SYTL5: variants seen among roughly 807,000 people sequenced by gnomAD.
SYTL5 encodes the protein synaptotagmin like 5, also known as synaptotagmin-like protein 5.
A neutral mutation model predicts 55.9 loss-of-function variants in SYTL5; 34 were observed. The observed-to-expected ratio is 0.61, with a 90% CI of 0.46 to 0.81. The LOEUF (loss-of-function observed/expected upper bound fraction) is 0.81. Among genes scored for constraint, SYTL5 ranks in the 30% least tolerant of loss-of-function variants. SYTL5 has a pLI of 0.00. For synonymous variants in SYTL5, 221 were observed against 188.7 expected (o/e 1.17, Z -1.40); for missense variants, 637 against 546.7 (o/e 1.17, Z -1.65).
rs747494621 is a variant in SYTL5 at position 38,054,330 on chromosome X, C to T, written c.237C>T (p.Asp79=). The T allele has an allele frequency of 1.3e-5, 16 of 1,211,178 alleles. No homozygotes were observed. The highest frequency in any genetic ancestry group is 1.8e-5 in the South Asian group (1 of 56,944). Residue 79 remains aspartate (D), a synonymous_variant, in exon 3 of 17, where the codon GAC becomes GAT. Coordinates refer to ENST00000297875, the MANE Select transcript of SYTL5 (RefSeq NM_138780.3). ...RNLGLIFDRG[D]PCQACSLRVC... is the part of the protein sequence containing the mutation. The stretch of plus-strand genomic sequence containing the variant: ...TGGGCCTAATCTTTGACCGGGGAGA[C>T]CCTTGTCAGGCTTGCTCACTGAGGG...
the SYTL5 span, among the ~76,000 whole-genome samples, chrX:37,968,471 G>C: frequency 9.0e-6 from 1 of 111,455 alleles, no homozygotes; most frequent in African/African-American, 3.3e-5. Flanking sequence ...TAGCAGATTT[G>C]ATAAGGCTTC....
the SYTL5 span, among the ~76,000 whole-genome samples, chrX:37,965,460 G>T: frequency 4.5e-5 from 5 of 111,169 alleles, no homozygotes; most frequent in Admixed American, 9.5e-5. Context: ...ATTCCATTAT[G>T]GTTAGAAAAG....
At chrX:37,906,694 T>C in the SYTL5 span, 14 of 112,751 alleles carry the variant, frequency 1.2e-4, no homozygotes, top group Non-Finnish European at 2.4e-4. Flanking sequence ...AATGCCAGAA[T>C]GTTGAAACAA....
At chrX:37,973,637 CT>C in the SYTL5 span, among the ~76,000 whole-genome samples, 16,387 of 104,119 alleles carry the variant, frequency 0.16, 2,625 homozygotes, top group African/African-American at 0.46. Flanking sequence ...ATATAAAACA[CT>C]TTTTTTTTTT....
rs780745620 is a variant in SYTL5, at chrX:38,045,133, A to T, written c.120-9080A>T. ...AGTAGGGAAAGCAACACAGGAAAGGAGAAGAATCTAAGCAAGGGTGAGAAG... is the reference window on the plus strand; with the variant it reads ...AGTAGGGAAAGCAACACAGGAAAGGTGAAGAATCTAAGCAAGGGTGAGAAG... On this transcript the variant is annotated intron_variant, in intron 2 of 16. Coordinates refer to ENST00000297875, the MANE Select transcript of SYTL5 (RefSeq NM_138780.3). 6.3e-5 allele frequency among the ~76,000 whole-genome samples: 7 copies of T among 111,943 alleles called. No individual in the cohort carries two copies. The East Asian group carries it at 2.0e-3, about 31-fold the overall frequency.
chrX:38,101,318 C>G (rs933905040), intron 9 of SYTL5, among the ~76,000 whole-genome samples: 15 of 110,905 alleles, frequency 1.4e-4, no homozygotes, highest in Non-Finnish European at 2.5e-4. Context: ...TACTATATAT[C>G]TATGTTTTAT....
At chrX:38,084,722 C>G (rs1203813119) in intron 6 of SYTL5, among the ~76,000 whole-genome samples, 1 of 110,831 alleles carries the variant, frequency 9.0e-6, no homozygotes, top group Non-Finnish European at 1.9e-5. Flanking sequence ...GATCAAAAAC[C>G]TTTTCTGTAA....
chrX:37,996,884 C>A, the SYTL5 span, among the ~76,000 whole-genome samples: 6 of 112,177 alleles, frequency 5.3e-5, no homozygotes, highest in African/African-American at 1.6e-4. Flanking sequence ...TCTAACACAT[C>A]ATTTTCCTAA....
intron 1 of SYTL5, among the ~76,000 whole-genome samples, chrX:38,028,317 A>G (rs1271835113): frequency 8.9e-6 from 1 of 112,566 alleles, no homozygotes; most frequent in East Asian, 2.8e-4. Context: ...GCATCATTCC[A>G]GTCAAAGCCT....
chrX:38,030,961 G>A (rs1444448798), intron 1 of SYTL5, among the ~76,000 whole-genome samples: 1 of 112,073 alleles, frequency 8.9e-6, no homozygotes, highest in African/African-American at 3.2e-5. Flanking sequence ...TAAGATGAGA[G>A]GGAAACTTTA....
Position 38,035,609 on chromosome X carries a change from A to G in SYTL5, c.119+1601A>G, listed in dbSNP as rs1475187120. Among the ~76,000 whole-genome samples, 7 of 108,274 alleles carry G rather than the reference A, an allele frequency of 6.5e-5. No homozygotes were observed. The Admixed American group carries it at 6.9e-4, about 11-fold the overall frequency. 94.0% of individuals were successfully genotyped at this position (108,274 alleles called of 115,157 possible). A position where few individuals can be genotyped will look rare whatever the true frequency, so the allele number is the denominator to read the frequency against. On this transcript the variant is annotated intron_variant, in intron 2 of 16. Coordinates refer to ENST00000297875, the MANE Select transcript of SYTL5 (RefSeq NM_138780.3). ...CCGTCTCAAAAAAAAAAAAAAAATC[A>G]TTTCTGGCCGGGCGTGGTGGCTCAC...
At chrX:37,954,123 T>G in the SYTL5 span, among the ~76,000 whole-genome samples, 2 of 111,509 alleles carry the variant, frequency 1.8e-5, no homozygotes, top group Non-Finnish European at 1.9e-5. Context: ...GAACCTATGA[T>G]GAGGTACAGC....
chrX:38,099,114 T>C (rs1479790986), intron 9 of SYTL5, among the ~76,000 whole-genome samples: 1 of 110,811 alleles, frequency 9.0e-6, no homozygotes, highest in Non-Finnish European at 1.9e-5. Flanking sequence ...ATCACGGAAT[T>C]ACATGCATAC....
the SYTL5 span, among the ~76,000 whole-genome samples, chrX:37,991,489 G>A: frequency 9.0e-6 from 1 of 111,214 alleles, no homozygotes; most frequent in Non-Finnish European, 1.9e-5. Context: ...CGCCGGCCCT[G>A]TGGGGAGGAA....
the SYTL5 span, among the ~76,000 whole-genome samples, chrX:37,904,266 G>C: frequency 1.4e-5 from 1 of 73,087 alleles, no homozygotes; most frequent in Non-Finnish European, 2.6e-5. Flanking sequence ...GGGGTGGTCC[G>C]GGGGGGGGGG....
At chrX:37,995,072 G>A in the SYTL5 span, among the ~76,000 whole-genome samples, 62 of 110,406 alleles carry the variant, frequency 5.6e-4, no homozygotes, top group African/African-American at 1.9e-3. Flanking sequence ...TGACAGTGAG[G>A]GTGCCGGCCC....
At chrX:37,922,540 A>G in the SYTL5 span, among the ~76,000 whole-genome samples, 1 of 112,099 alleles carries the variant, frequency 8.9e-6, no homozygotes. Flanking sequence ...TTGTGCCATG[A>G]CCTGAGACTA....
At chrX:38,110,278 G>A (rs761838992) in intron 12 of SYTL5, 43 bp from the exon 13 acceptor site, 1 of 1,089,481 alleles carries the variant, frequency 9.2e-7, no homozygotes. Context: ...GAATTGGATA[G>A]AGCCCTCCTT....
At chrX:37,967,527 T>C in the SYTL5 span, among the ~76,000 whole-genome samples, 3 of 112,009 alleles carry the variant, frequency 2.7e-5, no homozygotes, top group East Asian at 2.8e-4. Flanking sequence ...TAATATATCT[T>C]AGTGTAGATT....
Sources: allele counts gnomAD v4.1 joint callset (sites outside exome capture counted in the v4.1 genomes callset), GRCh38; gene constraint gnomAD v4.1.1; transcripts MANE v1.5; gene names NCBI Gene and HGNC (gene_info 2026-07-23, HGNC 2026-07-21).